Variants in CHRM3 observed in about 807,000 individuals in gnomAD.
The protein encoded by CHRM3 is muscarinic acetylcholine receptor M3.
In CHRM3, 11 loss-of-function variants were observed where a neutral mutation model predicts 41.8. The observed-to-expected ratio is 0.26, with a 90% confidence interval of 0.17 to 0.44. The LOEUF (loss-of-function observed/expected upper bound fraction) is 0.44. CHRM3 is among the 20% of genes least tolerant of loss of function. The probability of loss-of-function intolerance (pLI) is 1.00; values close to 1 mark genes in which losing one functional copy is unlikely to be tolerated. For synonymous variants in CHRM3, 297 were observed against 301.4 expected, an observed-to-expected ratio of 0.99 and a Z score of 0.15; for missense variants, 571 against 745.4, an observed-to-expected ratio of 0.77 and a Z score of 2.72.
chr1:239,569,803 T>G (rs888675197), intron 3 of CHRM3, among the ~76,000 whole-genome samples: 7 of 152,220 alleles, frequency 4.6e-5, no homozygotes, highest in Middle Eastern at 6.8e-3. Context: ...GGGAGTCTGG[T>G]CATAAATGTC....
intron 1 of CHRM3, among the ~76,000 whole-genome samples, chr1:239,492,501 C>T (rs1444571798): frequency 2.0e-5 from 3 of 152,192 alleles, no homozygotes; most frequent in East Asian, 3.9e-4. Context: ...CCTCCTTCCT[C>T]CTAGTGGATA....
intron 6 of CHRM3, among the ~76,000 whole-genome samples, chr1:239,878,384 C>T (rs1047172589): frequency 4.6e-5 from 7 of 151,976 alleles, no homozygotes; most frequent in African/African-American, 1.7e-4. Flanking sequence ...CTATGAAAAT[C>T]CAATGCTGCT....
At chr1:239,838,120 A>G (rs79215448) in intron 6 of CHRM3, among the ~76,000 whole-genome samples, 3,548 of 152,288 alleles carry the variant, frequency 0.023, 96 homozygotes, top group African/African-American at 0.063. Context: ...GGGAGATAAC[A>G]TTCTAAGTGG....
chr1:239,804,076 C>T (rs1670428795), intron 5 of CHRM3, among the ~76,000 whole-genome samples: 1 of 152,190 alleles, frequency 6.6e-6, no homozygotes, highest in African/African-American at 2.4e-5. Flanking sequence ...AGGAGAGAGG[C>T]AGCATGTCCC....
At chr1:239,700,760 ACTC>A (rs1431590858) in intron 5 of CHRM3, among the ~76,000 whole-genome samples, 1 of 151,678 alleles carries the variant, frequency 6.6e-6, no homozygotes, top group African/African-American at 2.4e-5. Flanking sequence ...AGTTTGGCAC[ACTC>A]CTCCTGTTTT....
intron 6 of CHRM3, among the ~76,000 whole-genome samples, chr1:239,878,685 T>G (rs191861477): frequency 1.3e-5 from 2 of 152,190 alleles, no homozygotes; most frequent in Non-Finnish European, 2.9e-5. Flanking sequence ...GCACTGACTC[T>G]GGGCCAGGTA....
At chr1:239,570,490 G>C (rs893811040) in intron 3 of CHRM3, among the ~76,000 whole-genome samples, 13 of 152,170 alleles carry the variant, frequency 8.5e-5, no homozygotes, top group African/African-American at 2.9e-4. Flanking sequence ...AGCTGTGATA[G>C]ATATGGAAAA....
In CHRM3 at chr1:239,465,819, C is replaced by G. The variant is rs569134888; in HGVS notation, c.-520-26890C>G. Among the ~76,000 whole-genome samples the G allele has an allele frequency of 2.0e-5, 3 of 152,092 alleles. No individual in the cohort carries two copies. The South Asian group carries it at 6.2e-4, about 32-fold the overall frequency. ...AATTTTTTTTCAGTAAACGTAGTAC[C>G]AAGTATGTAAAAGTTACATCTCCCC... On this transcript the variant is annotated intron_variant, in intron 1 of 6. Transcript: ENST00000676153.
At chr1:239,445,410 C>T (rs1013985858) in intron 1 of CHRM3, among the ~76,000 whole-genome samples, 2 of 152,016 alleles carry the variant, frequency 1.3e-5, no homozygotes, top group African/African-American at 4.8e-5. Context: ...GGCATCTGGG[C>T]TTGGGGTGAG....
At chr1:239,489,682 C>T (rs1048626011) in intron 1 of CHRM3, among the ~76,000 whole-genome samples, 14 of 152,200 alleles carry the variant, frequency 9.2e-5, no homozygotes, top group African/African-American at 2.9e-4. Context: ...ATCTTGGGGA[C>T]ATATATGGCC....
At chr1:239,523,165 A>G (rs1669768942) in intron 2 of CHRM3, among the ~76,000 whole-genome samples, 1 of 152,112 alleles carries the variant, frequency 6.6e-6, no homozygotes, top group Admixed American at 6.6e-5. Flanking sequence ...TAGATAATAT[A>G]TGCTATATAC....
chr1:239,906,275 A>G (rs558002152), intron 6 of CHRM3, among the ~76,000 whole-genome samples: 3 of 152,350 alleles, frequency 2.0e-5, no homozygotes, highest in South Asian at 4.1e-4. Flanking sequence ...ATGCACTTGC[A>G]TATGTATGTT....
chr1:239,536,251 G>T (rs2148361178), intron 2 of CHRM3, among the ~76,000 whole-genome samples: 1 of 152,236 alleles, frequency 6.6e-6, no homozygotes, highest in African/African-American at 2.4e-5. Context: ...AGTGTCTTGA[G>T]GAGCATGTGA....
chr1:239,595,880 G>T (rs1572845872), intron 3 of CHRM3, among the ~76,000 whole-genome samples: 3 of 152,080 alleles, frequency 2.0e-5, no homozygotes, highest in Admixed American at 2.0e-4. Flanking sequence ...CCATAATTCT[G>T]AATACTGTTA....
chr1:239,822,373 C>T (rs1056745362), intron 5 of CHRM3, among the ~76,000 whole-genome samples: 1 of 152,072 alleles, frequency 6.6e-6, no homozygotes, highest in Non-Finnish European at 1.5e-5. Flanking sequence ...ATAGCTAAAC[C>T]GAGTACTACA....
At chr1:239,597,108 C>T (rs941399178) in intron 3 of CHRM3, among the ~76,000 whole-genome samples, 2 of 152,010 alleles carry the variant, frequency 1.3e-5, no homozygotes, top group African/African-American at 4.8e-5. Context: ...TGGGTGAAAA[C>T]TCTGTTACAA....
chr1:239,806,360 G>T (rs1366833773), intron 5 of CHRM3, among the ~76,000 whole-genome samples: 4 of 150,974 alleles, frequency 2.6e-5, no homozygotes, highest in Non-Finnish European at 4.4e-5. Flanking sequence ...CACACCTGTG[G>T]ACATCCAGGA....
intron 4 of CHRM3, among the ~76,000 whole-genome samples, chr1:239,658,722 T>G (rs1672932807): frequency 6.6e-6 from 1 of 152,056 alleles, no homozygotes; most frequent in Non-Finnish European, 1.5e-5. Flanking sequence ...TCTCATAGCT[T>G]CTTCAAGATA....
chr1:239,801,879 A>G (rs1415760689), intron 5 of CHRM3, among the ~76,000 whole-genome samples: 1 of 152,102 alleles, frequency 6.6e-6, no homozygotes, highest in Non-Finnish European at 1.5e-5. Context: ...TGATACCATT[A>G]CTTTCATGTT....
Sources: allele counts gnomAD v4.1 joint callset (sites outside exome capture counted in the v4.1 genomes callset), GRCh38; gene constraint gnomAD v4.1.1; transcripts MANE v1.5; gene names NCBI Gene and HGNC (gene_info 2026-07-23, HGNC 2026-07-21).